Variants in TENM1 observed in about 807,000 individuals in gnomAD.
The protein encoded by TENM1 is teneurin-1.
A neutral mutation model predicts 174.8 loss-of-function variants in TENM1; 35 were observed. The ratio of observed to expected loss-of-function variants is 0.20; its 90% CI spans 0.15 to 0.27. The LOEUF is 0.27. Ranked by LOEUF, TENM1 falls within the 10% of genes least tolerant of loss-of-function variation. The pLI, the probability that TENM1 is intolerant of heterozygous loss-of-function variation, is 1.00. For synonymous variants in TENM1, 781 were observed against 798.7 expected (o/e 0.98, Z 0.37); for missense variants, 1,633 against 2,130.1 (o/e 0.77, Z 4.59).
intron 15 of TENM1, among the ~76,000 whole-genome samples, chrX:124,545,661 C>T (rs1353588622): frequency 9.0e-6 from 1 of 111,561 alleles, no homozygotes; most frequent in African/African-American, 3.3e-5. Flanking sequence ...AAATAAGTCT[C>T]GACTATCTAA....
chrX:124,873,659 G>A (rs965889245), intron 3 of TENM1, among the ~76,000 whole-genome samples: 1 of 111,114 alleles, frequency 9.0e-6, no homozygotes, highest in South Asian at 3.8e-4. Flanking sequence ...CACTACTATC[G>A]ACAACGATTC....
At chrX:124,665,340 CA>C (rs1299768178) in intron 6 of TENM1, among the ~76,000 whole-genome samples, 3 of 99,042 alleles carry the variant, frequency 3.0e-5, no homozygotes, top group Admixed American at 2.1e-4. Flanking sequence ...AACTCCGTCT[CA>C]AAAAAAAAAG....
At chrX:124,837,387 C>T (rs946828006) in intron 3 of TENM1, among the ~76,000 whole-genome samples, 1 of 112,257 alleles carries the variant, frequency 8.9e-6, no homozygotes, top group East Asian at 2.8e-4. Context: ...CGACGCCCAG[C>T]CTTTTTTTCT....
the TENM1 span, among the ~76,000 whole-genome samples, chrX:125,049,442 G>T: frequency 8.9e-6 from 1 of 111,857 alleles, no homozygotes; most frequent in Admixed American, 9.5e-5. Flanking sequence ...ATATTTCATT[G>T]TATAGATATT....
At chrX:125,082,719 C>A in the TENM1 span, among the ~76,000 whole-genome samples, 1 of 111,164 alleles carries the variant, frequency 9.0e-6, no homozygotes, top group Admixed American at 9.6e-5. Context: ...TTTTTGTCCC[C>A]TTGTCTAAGT....
chrX:124,595,100 T>C (rs1443013314), intron 11 of TENM1, among the ~76,000 whole-genome samples: 1 of 112,506 alleles, frequency 8.9e-6, no homozygotes, highest in Non-Finnish European at 1.9e-5. Context: ...CCTCCCACTC[T>C]GTTGTCAATT....
chrX:125,157,039 C>A, the TENM1 span, among the ~76,000 whole-genome samples: 1 of 112,352 alleles, frequency 8.9e-6, no homozygotes, highest in African/African-American at 3.2e-5. Context: ...TAGTCAGGTT[C>A]AGTGATTCTC....
the TENM1 span, among the ~76,000 whole-genome samples, chrX:125,131,961 G>A: frequency 2.3e-4 from 26 of 112,133 alleles, no homozygotes; most frequent in African/African-American, 4.5e-4. Context: ...TATTTAGAAC[G>A]CAGAAAGTCC....
At chrX:124,723,929 G>A (rs774397687) in intron 4 of TENM1, among the ~76,000 whole-genome samples, 7 of 111,431 alleles carry the variant, frequency 6.3e-5, no homozygotes, top group Non-Finnish European at 1.3e-4. Context: ...TCCACTACAC[G>A]TAACTGATGA....
At chrX:125,164,791 T>C in the TENM1 span, among the ~76,000 whole-genome samples, 1 of 111,933 alleles carries the variant, frequency 8.9e-6, no homozygotes, top group Non-Finnish European at 1.9e-5. Context: ...ACTCATTAAT[T>C]TGTATAAGTA....
intron 21 of TENM1, among the ~76,000 whole-genome samples, chrX:124,486,037 CA>C (rs771475381): frequency 1.3e-4 from 15 of 111,637 alleles, no homozygotes; most frequent in Non-Finnish European, 2.4e-4. Context: ...TCCCTCCTAT[CA>C]ATATGTAACT....
chrX:125,023,443 G>A, the TENM1 span, among the ~76,000 whole-genome samples: 1 of 110,946 alleles, frequency 9.0e-6, no homozygotes, highest in Non-Finnish European at 1.9e-5. Context: ...AGCAGTGTGA[G>A]AATGGACTAA....
chrX:124,971,283 A>C, the TENM1 span, among the ~76,000 whole-genome samples: 1 of 111,307 alleles, frequency 9.0e-6, no homozygotes. Flanking sequence ...CTTAAAGTAT[A>C]ATAATAATAA....
chrX:124,463,563 T>A (rs1045225013), intron 22 of TENM1, among the ~76,000 whole-genome samples: 4 of 111,436 alleles, frequency 3.6e-5, no homozygotes, highest in Non-Finnish European at 7.5e-5. Flanking sequence ...GAGCACCCTA[T>A]GTTAGATTCA....
At chrX:124,708,908 T>C (rs1419452128) in intron 4 of TENM1, among the ~76,000 whole-genome samples, 1 of 111,232 alleles carries the variant, frequency 9.0e-6, no homozygotes, top group Admixed American at 9.6e-5. Flanking sequence ...ACAGGAATAG[T>C]TGGTTCCATT....
intron 3 of TENM1, among the ~76,000 whole-genome samples, chrX:124,867,431 T>C (rs755210766): frequency 1.8e-5 from 2 of 111,947 alleles, no homozygotes; most frequent in African/African-American, 6.5e-5. Context: ...TTTGATAAAA[T>C]TCAACACCAC....
At chrX:125,110,076 T>C in the TENM1 span, among the ~76,000 whole-genome samples, 18 of 111,800 alleles carry the variant, frequency 1.6e-4, no homozygotes, top group Non-Finnish European at 2.6e-4. Flanking sequence ...CTAATTTTCA[T>C]GGATGGGCAC....
chrX:124,939,752 G>T (rs903341622), intron 1 of TENM1, among the ~76,000 whole-genome samples: 5 of 111,478 alleles, frequency 4.5e-5, no homozygotes, highest in African/African-American at 1.6e-4. Flanking sequence ...TTTTGCCCTT[G>T]TTCTTCCCTC....
At chrX:124,638,292 G>A (rs1056442237) in intron 11 of TENM1, among the ~76,000 whole-genome samples, 1 of 110,997 alleles carries the variant, frequency 9.0e-6, no homozygotes, top group Admixed American at 9.6e-5. Context: ...GAGTAGGAAT[G>A]GGCAGGGAAA....
Sources: gnomAD v4.1 joint callset for allele counts (sites outside exome capture counted in the v4.1 genomes callset) on GRCh38, gnomAD v4.1.1 for gene constraint, MANE v1.5 for transcripts, NCBI Gene and HGNC (gene_info 2026-07-23, HGNC 2026-07-21) for gene names.